ARAP3: variants seen among roughly 807,000 people sequenced by gnomAD.
ARAP3 encodes ArfGAP with RhoGAP domain, ankyrin repeat and PH domain 3, also known as arf-GAP with Rho-GAP domain, ANK repeat and PH domain-containing protein 3.
Under a neutral mutation model 169.2 loss-of-function variants are expected in ARAP3, and 82 were observed. That is an observed-to-expected ratio of 0.48 (90% confidence interval 0.41 to 0.58). The LOEUF is 0.58. Ranked by LOEUF, ARAP3 falls within the 20% of genes least tolerant of loss-of-function variation. The pLI, the probability that ARAP3 is intolerant of heterozygous loss-of-function variation, is 0.00. For missense variants in ARAP3, 1,764 were observed against 2,018.0 expected (o/e 0.87, Z 2.41); for synonymous variants, 791 against 800.3 (o/e 0.99, Z 0.20).
Position 141,656,833 on chromosome 5 carries a change from A to G in ARAP3, c.3540T>C (p.His1180=). ...REHGELERPL[H]PKEKVLEQAL... is the part of the protein sequence containing the mutation. Reference sequence around the variant, plus strand: ...CCTGCTCTAAGACCTTTTCCTTGGGATGCAGTGGCCGCTCTTAAGGGGAAA... The same window carrying G: ...CCTGCTCTAAGACCTTTTCCTTGGGGTGCAGTGGCCGCTCTTAAGGGGAAA... Residue 1180 remains histidine, a synonymous_variant, in exon 26 of 33, where the codon CAT becomes CAC. Coordinates refer to ENST00000239440, the MANE Select transcript of ARAP3 (RefSeq NM_022481.6). 6.2e-7 allele frequency: 1 copy of G among 1,613,300 alleles called. No individual in the cohort carries two copies. The highest frequency in any genetic ancestry group is 1.1e-5 in the South Asian group (1 of 90,878).
intron 4 of ARAP3, among the ~76,000 whole-genome samples, chr5:141,675,995 C>A (rs1294784974): frequency 6.6e-6 from 1 of 152,190 alleles, no homozygotes; most frequent in Non-Finnish European, 1.5e-5. Flanking sequence ...CTCCTCTCCC[C>A]TACATAACTG....
intron 17 of ARAP3, among the ~76,000 whole-genome samples, chr5:141,666,218 C>A (rs1303079318): frequency 6.6e-6 from 1 of 151,982 alleles, no homozygotes; most frequent in Non-Finnish European, 1.5e-5. Context: ...AACTAAGGCA[C>A]AGAGAGGTTA....
intron 23 of ARAP3, among the ~76,000 whole-genome samples, chr5:141,659,092 T>C (rs1224222574): frequency 8.5e-5 from 13 of 152,316 alleles, no homozygotes; most frequent in Admixed American, 6.5e-4. Flanking sequence ...TTGTCTGACT[T>C]TACTAACTCG....
At chr5:141,655,156 TCACACACACACACACCCTGATGGCCTA>T (rs1236577140) in intron 32 of ARAP3, among the ~76,000 whole-genome samples, 179 bp downstream of exon 32, 1 of 133,492 alleles carries the variant, frequency 7.5e-6, no homozygotes, top group Non-Finnish European at 1.6e-5. Context: ...TCTCTCTCTC[TCACACACACACACACCCTGATGGCCTA>T]CACACACACA....
chr5:141,676,570 C>CA (rs2099912218), intron 4 of ARAP3, among the ~76,000 whole-genome samples: 1 of 152,122 alleles, frequency 6.6e-6, no homozygotes, highest in Non-Finnish European at 1.5e-5. Flanking sequence ...TAAGTCCTAT[C>CA]ATACTCAGCA....
chr5:141,678,852 T>C (rs1187113392), intron 4 of ARAP3, among the ~76,000 whole-genome samples: 2 of 152,252 alleles, frequency 1.3e-5, no homozygotes, highest in African/African-American at 2.4e-5. Context: ...TAACGTTCTA[T>C]AGTATTTAAT....
chr5:141,656,973 G>T, intron 25 of ARAP3, 127 bp from the exon 26 acceptor site: 1 of 1,317,650 alleles, frequency 7.6e-7, no homozygotes, highest in African/African-American at 1.5e-5. Flanking sequence ...CTGTCTCTAT[G>T]CCAGGAACTG....
rs371998746 is a variant in ARAP3, at chr5:141,672,626, G to T, written c.1311C>A (p.Ile437=). Residue 437 remains isoleucine (I), a synonymous_variant, in exon 9 of 33, where the codon ATC becomes ATA. Coordinates refer to ENST00000239440, the MANE Select transcript of ARAP3 (RefSeq NM_022481.6). The surrounding 1 kb of genome is among the most constrained non-coding windows in gnomAD (Gnocchi z 4.9). ...CCCGGACGCTGCAGCCCTGCAGTTC[G>T]ATGAAGCAGATCCCGATGCCCAGAG... ...AFSLGIGICF[I]ELQGCSVRET... The T allele has an allele frequency of 6.2e-6, 10 of 1,613,786 alleles. No individual in the cohort carries two copies.
At chr5:141,661,963 A>G (rs2099910031) in intron 20 of ARAP3, 80 bp downstream of exon 20, 1 of 1,579,782 alleles carries the variant, frequency 6.3e-7, no homozygotes, top group African/African-American at 1.3e-5. Flanking sequence ...GATGGGGCGG[A>G]GGGCTGCCAA....
intron 19 of ARAP3, among the ~76,000 whole-genome samples, chr5:141,662,475 T>C (rs1187296019): frequency 1.3e-5 from 2 of 152,202 alleles, no homozygotes; most frequent in Non-Finnish European, 1.5e-5. Flanking sequence ...ACAACCCCCA[T>C]CACACTGTAT....
rs2099909650 is a variant in ARAP3 at position 141,659,390 on chromosome 5, A to C, written c.3336+18T>G. The C allele has an allele frequency of 6.2e-7, 1 of 1,611,332 alleles. No homozygotes were observed. The highest frequency in any genetic ancestry group is 8.5e-7 in the Non-Finnish European group (1 of 1,177,574). ...CTCCTCCTGCCCCATTCAGGAGACT[A>C]AGGTCAGGACGAGTTACCTGCACGT... On this transcript the variant is annotated intron_variant, in intron 23 of 32. Transcript: ENST00000239440.
chr5:141,673,504 G>A (rs762094708), intron 5 of ARAP3, 34 bp from the exon 6 acceptor site: 7 of 1,614,040 alleles, frequency 4.3e-6, no homozygotes, highest in East Asian at 2.2e-5. Flanking sequence ...CAGTGTTTGA[G>A]GTTGCATGGG....
At position 141,670,058 on chromosome 5, in the gene ARAP3, G is replaced by A. The variant is rs1479966785; in HGVS notation, c.2113C>T (p.Pro705Ser). ...SPPRRGRDAP[P>S]RLWCVLGAAL... is the part of the protein sequence containing the mutation. ...GCTCCCAGCACACACCAAAGGCGCG[G>A]GGGAGCTAAGGCAGAGGGAGATAGT... Residue 705 changes from proline to serine, a missense_variant, in exon 15 of 33, where the codon CCG (proline) becomes TCG (serine). By Grantham distance (74) the Pro-to-Ser change is moderately conservative. Coordinates refer to ENST00000239440, the MANE Select transcript of ARAP3 (RefSeq NM_022481.6). 1 of 1,591,310 alleles carries A rather than the reference G, an allele frequency of 6.3e-7. No homozygotes were observed. The highest frequency in any genetic ancestry group is 8.5e-7 in the Non-Finnish European group (1 of 1,174,446).
At chr5:141,679,222 G>A (rs755105816) in intron 4 of ARAP3, among the ~76,000 whole-genome samples, 3 of 152,200 alleles carry the variant, frequency 2.0e-5, no homozygotes, top group Non-Finnish European at 2.9e-5. Flanking sequence ...CCAGGAGGGG[G>A]AGGTTGCAGT....
intron 19 of ARAP3, among the ~76,000 whole-genome samples, chr5:141,663,452 G>T (rs2099910237): frequency 6.6e-6 from 1 of 152,156 alleles, no homozygotes; most frequent in Non-Finnish European, 1.5e-5. Context: ...ACCATGGCTG[G>T]CTAATTTTTG....
At position 141,656,800 on chromosome 5, in the gene ARAP3, T is replaced by G. The variant is rs777023522; in HGVS notation, c.3573A>C (p.Gln1191His). The G allele has an allele frequency of 6.2e-7, 1 of 1,613,032 alleles. No individual in the cohort carries two copies. ...PKEKVLEQALQWCQLPEPCSA... is the reference protein window; with the variant it reads ...PKEKVLEQALHWCQLPEPCSA... ...AGCAGGGCTCTGGGAGCTGGCACCA[T>G]TGTAAAGCCTGCTCTAAGACCTTTT... Residue 1191 changes from glutamine to histidine, a missense_variant, in exon 26 of 33, where the codon CAA (glutamine) becomes CAC (histidine). Physicochemically the swap from Gln to His is conservative, Grantham distance 24 (BLOSUM62 0). This residue lies in a region of ARAP3 where 1,112 missense variants were observed against 1,285.7 expected (regional missense o/e 0.86). Transcript: ENST00000239440.
rs761712375 is a variant in ARAP3, at chr5:141,662,179, C to T, written c.2877G>A (p.Arg959=). The change falls in exon 20 of 33, where the codon CGG becomes CGA. Residue 959 remains arginine (R), a synonymous_variant. Coordinates refer to ENST00000239440, the MANE Select transcript of ARAP3 (RefSeq NM_022481.6). ...GTCGGAGCTTCACCGACCGGGCATC[C>T]CGACGGAACTCAGCCAGGAGTCTCA... is the stretch of plus-strand genomic sequence containing the variant. ...RSLRLLAEFR[R]DARSVKLRPG... is the part of the protein sequence containing the mutation. 5 of 1,614,120 alleles carry T rather than the reference C, an allele frequency of 3.1e-6. No individual in the cohort carries two copies. Among genetic ancestry groups the T allele is most frequent in the Non-Finnish European group, 4.2e-6 (5 of 1,180,048 alleles).
At chr5:141,665,494 G>T (rs2099910510) in intron 17 of ARAP3, 120 bp from the exon 18 acceptor site, 1 of 1,011,160 alleles carries the variant, frequency 9.9e-7, no homozygotes, top group Non-Finnish European at 1.5e-6. Context: ...ACGTTCAGTT[G>T]AATCCTATGA....
chr5:141,656,079 A>G lies in ARAP3; in HGVS notation c.3893T>C (p.Leu1298Pro). The change falls in exon 29 of 33, where the codon CTA (leucine) becomes CCA (proline). Residue 1298 changes from leucine (L) to proline (P), a missense_variant. This residue lies in a region of ARAP3 where 1,112 missense variants were observed against 1,285.7 expected (regional missense o/e 0.86). Coordinates refer to ENST00000239440, the MANE Select transcript of ARAP3 (RefSeq NM_022481.6). ...AGGTACTCACAGGTGCATCTTCTCT[A>G]GTATCAATGTGAAGCCCCACCTGGG... ...PPTPWGFTLI[L>P]EKMHLYLSCT... 1 of 1,614,184 alleles carries G rather than the reference A, an allele frequency of 6.2e-7. No individual in the cohort carries two copies. Among genetic ancestry groups the G allele is most frequent in the Non-Finnish European group, 8.5e-7 (1 of 1,180,034 alleles).
Sources: allele counts gnomAD v4.1 joint callset (sites outside exome capture counted in the v4.1 genomes callset), GRCh38; gene constraint gnomAD v4.1.1; regional missense constraint gnomAD v4.1.1; non-coding constraint Gnocchi (gnomAD v3.1); transcripts MANE v1.5; gene names NCBI Gene and HGNC (gene_info 2026-07-23, HGNC 2026-07-21).